Variants in SNX29 observed in about 807,000 individuals in gnomAD.
SNX29 encodes sorting nexin-29.
A neutral mutation model predicts 102.1 loss-of-function variants in SNX29; 78 were observed. That is an observed-to-expected ratio of 0.76 (90% CI 0.64 to 0.92). The LOEUF (loss-of-function observed/expected upper bound fraction) is 0.92. Ranked by LOEUF, SNX29 falls within the 40% of genes least tolerant of loss-of-function variation. SNX29 has a pLI of 0.00. For missense variants in SNX29, 1,280 were observed against 1,061.7 expected, an observed-to-expected ratio of 1.21 and a Z score of -2.86; for synonymous variants, 580 against 414.5, an observed-to-expected ratio of 1.40 and a Z score of -4.85.
At position 12,568,718 on chromosome 16, in the gene SNX29, C is replaced by G. The variant is rs138703301; in HGVS notation, c.*89C>G. 2 of 1,522,278 alleles carry G rather than the reference C, an allele frequency of 1.3e-6. No individual in the cohort carries two copies. Among genetic ancestry groups the G allele is most frequent in the African/African-American group, 1.4e-5 (1 of 72,856 alleles). The allele number at this position is 1,522,278 out of a possible 1,614,324, so 94.3% of individuals were successfully genotyped here. ...CCGCTGGCCCCTCACCTCAGCGTGA[C>G]AACCACGTCCACCTGGTGATCCTGA... On this transcript the variant is annotated 3_prime_UTR_variant, in exon 21 of 21. Transcript: ENST00000566228.
At chr16:12,076,992 G>T (rs1225188448) in intron 10 of SNX29, among the ~76,000 whole-genome samples, 2 of 152,220 alleles carry the variant, frequency 1.3e-5, no homozygotes, top group East Asian at 3.9e-4. Context: ...TAGAAAATGT[G>T]ACTAGGCATG....
At chr16:12,550,792 G>A (rs991224964) in intron 20 of SNX29, among the ~76,000 whole-genome samples, 3 of 93,404 alleles carry the variant, frequency 3.2e-5, no homozygotes, top group African/African-American at 1.4e-4. Flanking sequence ...CTGAGATAAG[G>A]AAGAGGGAGC....
intron 14 of SNX29, among the ~76,000 whole-genome samples, chr16:12,272,596 T>A (rs1033167164): frequency 6.6e-6 from 1 of 152,258 alleles, no homozygotes; most frequent in African/African-American, 2.4e-5. Context: ...TCTGATTACA[T>A]AGTTTACATA....
intron 20 of SNX29, among the ~76,000 whole-genome samples, chr16:12,548,297 G>A (rs186943991): frequency 9.9e-5 from 15 of 152,258 alleles, no homozygotes; most frequent in African/African-American, 3.1e-4. Flanking sequence ...GGAAGCTACT[G>A]TCCCTGGAGC....
chr16:12,303,232 T>A (rs775079630), intron 15 of SNX29, among the ~76,000 whole-genome samples: 1 of 152,162 alleles, frequency 6.6e-6, no homozygotes, highest in Non-Finnish European at 1.5e-5. Flanking sequence ...TATTAAAACA[T>A]AGATGAATTT....
intron 20 of SNX29, among the ~76,000 whole-genome samples, chr16:12,549,524 C>G (rs1014563922): frequency 8.3e-5 from 7 of 84,824 alleles, no homozygotes; most frequent in Non-Finnish European, 1.2e-4. Context: ...TTTTCATCCT[C>G]TATCTCAAAT....
chr16:12,347,120 TG>T (rs1354635984), intron 15 of SNX29, among the ~76,000 whole-genome samples: 2 of 152,142 alleles, frequency 1.3e-5, no homozygotes, highest in African/African-American at 4.8e-5. Context: ...CTGAGGGGCT[TG>T]TTGCAGAGGT....
At chr16:12,562,092 C>A (rs115748672) in intron 20 of SNX29, among the ~76,000 whole-genome samples, 1 of 152,106 alleles carries the variant, frequency 6.6e-6, no homozygotes, top group Non-Finnish European at 1.5e-5. Context: ...TAGTTTGAAC[C>A]GCATTTCTAA....
chr16:12,355,776 G>A (rs2082112245), intron 15 of SNX29, among the ~76,000 whole-genome samples: 2 of 144,088 alleles, frequency 1.4e-5, no homozygotes, highest in Non-Finnish European at 3.0e-5. Context: ...CAGGACCACA[G>A]CGCATAGCCA....
At chr16:12,008,812 GTTCAC>G (rs1264811470) in intron 3 of SNX29, among the ~76,000 whole-genome samples, 1 of 150,660 alleles carries the variant, frequency 6.6e-6, no homozygotes, top group Non-Finnish European at 1.5e-5. Context: ...CGCAATCTCA[GTTCAC>G]TGCAACCTCC....
chr16:12,466,357 C>T (rs182779697), intron 18 of SNX29, among the ~76,000 whole-genome samples: 18 of 152,284 alleles, frequency 1.2e-4, no homozygotes, highest in Admixed American at 7.8e-4. Flanking sequence ...TTTATATACA[C>T]TAACAATGAA....
rs1247845695 is a variant in SNX29 at position 12,354,927 on chromosome 16, A to C, written c.1783-1236A>C. Among the ~76,000 whole-genome samples, 8 of 152,076 alleles carry C rather than the reference A, an allele frequency of 5.3e-5. No homozygotes were observed. In the South Asian group the frequency reaches 1.7e-3, roughly 32 times the overall value. On this transcript the variant is annotated intron_variant, in intron 15 of 20. Coordinates refer to ENST00000566228, the MANE Select transcript of SNX29 (RefSeq NM_032167.5). ...TTGCAGTATCTTTTGTGTCATTTTC[A>C]CTTACTATTTCATATTTCACACTGG... is the stretch of plus-strand genomic sequence containing the variant.
intron 16 of SNX29, among the ~76,000 whole-genome samples, chr16:12,395,275 A>G (rs550493151): frequency 9.9e-5 from 15 of 152,248 alleles, no homozygotes; most frequent in Admixed American, 3.9e-4. Flanking sequence ...TCAGAGTTTC[A>G]TGACTAGGGA....
intron 20 of SNX29, among the ~76,000 whole-genome samples, chr16:12,538,194 C>G (rs1388705844): frequency 6.6e-6 from 1 of 152,112 alleles, no homozygotes; most frequent in Non-Finnish European, 1.5e-5. Context: ...AGGCTCACCG[C>G]AAGCTCTGTG....
rs538596818 is a variant in SNX29, at chr16:12,525,316, C to T, written c.2318+475C>T. Among the ~76,000 whole-genome samples, 95 of 149,960 alleles carry T rather than the reference C, an allele frequency of 6.3e-4. 1 individual carries two copies. Among genetic ancestry groups the T allele is most frequent in the Non-Finnish European group, 3.8e-4 (26 of 67,700 alleles). On this transcript the variant is annotated intron_variant, in intron 20 of 20. Transcript: ENST00000566228. ...TAATATTATTTAAATGCCTTCTTCT[C>T]TCTTGAAAAAAGTAAAAAAAAAAAA... is the stretch of plus-strand genomic sequence containing the variant.
chr16:12,522,440 T>A (rs2090136784), intron 19 of SNX29, among the ~76,000 whole-genome samples: 1 of 152,284 alleles, frequency 6.6e-6, no homozygotes, highest in Middle Eastern at 3.4e-3. Flanking sequence ...TTTGTTTTTA[T>A]TTTTTAGAGG....
At chr16:12,568,453 G>C (rs1006802999) in intron 20 of SNX29, 53 bp from the exon 21 acceptor site, 17 of 1,600,154 alleles carry the variant, frequency 1.1e-5, no homozygotes, top group African/African-American at 4.0e-5. Context: ...CTGGCCTGTG[G>C]TCATTTGCTT....
intron 19 of SNX29, among the ~76,000 whole-genome samples, chr16:12,506,602 G>GA (rs1232056494): frequency 4.6e-5 from 7 of 152,194 alleles, no homozygotes; most frequent in Non-Finnish European, 2.9e-5. Flanking sequence ...TGCCCAAAAA[G>GA]AAAGAAAAGA....
chr16:12,559,772 G>A lies in SNX29; in HGVS notation c.2319-8734G>A, dbSNP rs148384423. Among the ~76,000 whole-genome samples, 138 of 152,184 alleles carry A rather than the reference G, an allele frequency of 9.1e-4. 1 individual carries two copies. The highest frequency in any genetic ancestry group is 6.8e-3 in the Middle Eastern group (2 of 294). On this transcript the variant is annotated intron_variant, in intron 20 of 20. Transcript: ENST00000566228. ...CAGCCTGACAGCAGTCACTCTGAAAGCATTACACAGCACCTTCGTCCTTAC... is the reference window on the plus strand; with the variant it reads ...CAGCCTGACAGCAGTCACTCTGAAAACATTACACAGCACCTTCGTCCTTAC...
Sources: allele counts gnomAD v4.1 joint callset (sites outside exome capture counted in the v4.1 genomes callset), GRCh38; gene constraint gnomAD v4.1.1; transcripts MANE v1.5; gene names NCBI Gene and HGNC (gene_info 2026-07-23, HGNC 2026-07-21).